IL23R: variants seen among roughly 807,000 people sequenced by gnomAD.
IL23R encodes the protein interleukin-23 receptor.
IL23R carries 34 observed loss-of-function variants against 56.9 expected under a neutral mutation model. The ratio of observed to expected loss-of-function variants is 0.60; its 90% CI spans 0.45 to 0.80. The LOEUF (loss-of-function observed/expected upper bound fraction) is 0.80. Ranked by LOEUF, IL23R falls within the 30% of genes least tolerant of loss-of-function variation. The probability of loss-of-function intolerance (pLI) is 0.00; values close to 1 mark genes in which losing one functional copy is unlikely to be tolerated. For synonymous variants in IL23R, 230 were observed against 249.2 expected (o/e 0.92, Z 0.73); for missense variants, 635 against 730.0 (o/e 0.87, Z 1.50).
chr1:67,156,596 T>G (rs1330139004), intron 1 of IL23R, among the ~76,000 whole-genome samples: 1 of 152,108 alleles, frequency 6.6e-6, no homozygotes, highest in Non-Finnish European at 1.5e-5. Flanking sequence ...AACCTCCCAG[T>G]CTCCTTAGGG....
chr1:67,149,990 G>T (rs1570756161), intron 1 of IL23R, among the ~76,000 whole-genome samples: 1 of 152,110 alleles, frequency 6.6e-6, no homozygotes, highest in Non-Finnish European at 1.5e-5. Context: ...CAGCTGAAAA[G>T]AAAAAGAAAT....
chr1:67,178,498 T>A (rs1396219120), intron 3 of IL23R, among the ~76,000 whole-genome samples: 1 of 152,226 alleles, frequency 6.6e-6, no homozygotes, highest in African/African-American at 2.4e-5. Flanking sequence ...AAGTTGCCTA[T>A]CAGCTTAAGG....
rs76881556 is a variant in IL23R at position 67,237,583 on chromosome 1, T to A, written c.1045+781T>A. On this transcript the variant is annotated intron_variant, in intron 8 of 10. Transcript: ENST00000347310. ...TAAAATTCAAATCCTTTTCTTTCAATGTCCTGGAGTCTATTGTCTTTCTTT... is the reference window on the plus strand; with the variant it reads ...TAAAATTCAAATCCTTTTCTTTCAAAGTCCTGGAGTCTATTGTCTTTCTTT... Among the ~76,000 whole-genome samples the A allele has an allele frequency of 1.2e-3, 177 of 152,328 alleles. 2 individuals carry two copies. In the East Asian group the frequency reaches 0.03, roughly 26 times the overall value.
intron 7 of IL23R, among the ~76,000 whole-genome samples, chr1:67,235,177 A>G (rs1651386833): frequency 6.6e-6 from 1 of 152,138 alleles, no homozygotes. Flanking sequence ...AGCAAAAGAG[A>G]CTTAGCGAGG....
intron 3 of IL23R, among the ~76,000 whole-genome samples, chr1:67,171,587 A>G (rs1358749): frequency 0.91 from 138,336 of 152,256 alleles, 63,024 homozygotes; most frequent in East Asian, 1. Context: ...AGCAGAGGGG[A>G]TTTCCTTATC....
At chr1:67,156,414 TC>T (rs1045667067) in intron 1 of IL23R, among the ~76,000 whole-genome samples, 3 of 152,118 alleles carry the variant, frequency 2.0e-5, no homozygotes, top group African/African-American at 7.2e-5. Flanking sequence ...ACTGCAGCTG[TC>T]CCCTCCCTCC....
intron 6 of IL23R, among the ~76,000 whole-genome samples, chr1:67,209,947 C>A (rs1186803405): frequency 6.6e-6 from 1 of 152,108 alleles, no homozygotes; most frequent in Admixed American, 6.5e-5. Flanking sequence ...TATCAGTGAT[C>A]ATGGATAAAA....
At chr1:67,239,053 C>T (rs1651686369) in intron 8 of IL23R, among the ~76,000 whole-genome samples, 1 of 152,060 alleles carries the variant, frequency 6.6e-6, no homozygotes, top group Non-Finnish European at 1.5e-5. Context: ...GGAAGGGAAG[C>T]CAATACCCAA....
At position 67,186,226 on chromosome 1, in the gene IL23R, C is replaced by T. The variant is rs147821256; in HGVS notation, c.491+3267C>T. On this transcript the variant is annotated intron_variant, in intron 4 of 10. Coordinates refer to ENST00000347310, the MANE Select transcript of IL23R (RefSeq NM_144701.3). Reference sequence around the variant, plus strand: ...GAAAAACCAGGCAGTGCCAGATTGACAGAGATAGCCTAGTGTCTTGAGGAT... The same window carrying T: ...GAAAAACCAGGCAGTGCCAGATTGATAGAGATAGCCTAGTGTCTTGAGGAT... Among the ~76,000 whole-genome samples, 476 of 152,306 alleles carry T rather than the reference C, an allele frequency of 3.1e-3. 5 individuals carry two copies. Among genetic ancestry groups the T allele is most frequent in the African/African-American group, 0.011 (459 of 41,578 alleles).
At chr1:67,225,924 G>A (rs1265634002) in intron 7 of IL23R, among the ~76,000 whole-genome samples, 1 of 152,226 alleles carries the variant, frequency 6.6e-6, no homozygotes, top group African/African-American at 2.4e-5. Context: ...TTTAAGAGAA[G>A]GAAGTGTCAT....
At chr1:67,246,754 T>A (rs12084466) in intron 9 of IL23R, among the ~76,000 whole-genome samples, 1 of 152,046 alleles carries the variant, frequency 6.6e-6, no homozygotes, top group African/African-American at 2.4e-5. Flanking sequence ...TTTTAGAGTA[T>A]GTGTGATGTA....
intron 5 of IL23R, among the ~76,000 whole-genome samples, chr1:67,206,560 G>C (rs1170039788): frequency 6.6e-6 from 1 of 152,142 alleles, no homozygotes; most frequent in Non-Finnish European, 1.5e-5. Flanking sequence ...GGGAAGAGGG[G>C]ATAGCTCCTT....
intron 7 of IL23R, among the ~76,000 whole-genome samples, chr1:67,236,094 C>G (rs958821260): frequency 7.9e-5 from 12 of 152,216 alleles, no homozygotes; most frequent in Admixed American, 7.2e-4. Flanking sequence ...TTGCTCACCC[C>G]ACCCTGGTCA....
At chr1:67,248,129 C>A (rs1652363021) in intron 9 of IL23R, among the ~76,000 whole-genome samples, 1 of 151,980 alleles carries the variant, frequency 6.6e-6, no homozygotes, top group South Asian at 2.1e-4. Context: ...TTGTGGTGTT[C>A]TCTATATTTC....
chr1:67,255,036 C>T (rs183046636), intron 9 of IL23R, among the ~76,000 whole-genome samples: 1 of 152,340 alleles, frequency 6.6e-6, no homozygotes, highest in Non-Finnish European at 1.5e-5. Context: ...GGAGCTGTCA[C>T]CATCATTACA....
the IL23R span, among the ~76,000 whole-genome samples, chr1:67,265,188 G>A: frequency 6.6e-6 from 1 of 152,174 alleles, no homozygotes; most frequent in Non-Finnish European, 1.5e-5. Context: ...TTGTATTAGA[G>A]GAGAGCAAGA....
chr1:67,207,590 TC>T (rs760200781), intron 6 of IL23R: 11 of 376,014 alleles, frequency 2.9e-5, no homozygotes, highest in Admixed American at 2.5e-4. Context: ...GATGCGTTTA[TC>T]AGAGGTTTCC....
chr1:67,153,106 G>A (rs1488090200), intron 1 of IL23R, among the ~76,000 whole-genome samples: 1 of 152,068 alleles, frequency 6.6e-6, no homozygotes, highest in African/African-American at 2.4e-5. Flanking sequence ...TAGCCTATTA[G>A]TTACTGCCTC....
At chr1:67,257,534 G>A (rs1384648783) in intron 10 of IL23R, among the ~76,000 whole-genome samples, 1 of 152,044 alleles carries the variant, frequency 6.6e-6, no homozygotes, top group African/African-American at 2.4e-5. Flanking sequence ...CCGTAACAGG[G>A]GGCTATAATA....
Sources: allele counts gnomAD v4.1 joint callset (sites outside exome capture counted in the v4.1 genomes callset), GRCh38; gene constraint gnomAD v4.1.1; transcripts MANE v1.5; gene names NCBI Gene and HGNC (gene_info 2026-07-23, HGNC 2026-07-21).